The following SNTG1 variants were observed in gnomAD, a reference collection of about 807,000 sequenced individuals.
SNTG1 encodes gamma-1-syntrophin.
In SNTG1, 39 loss-of-function variants were observed where a neutral mutation model predicts 74.7. That is an observed-to-expected ratio of 0.52 (90% CI 0.40 to 0.68). SNTG1 has a LOEUF of 0.68. SNTG1 is among the 30% of genes least tolerant of loss of function. The pLI is 0.00. For synonymous variants in SNTG1, 254 were observed against 217.1 expected, an observed-to-expected ratio of 1.17 and a Z score of -1.49; for missense variants, 685 against 609.5, an observed-to-expected ratio of 1.12 and a Z score of -1.30.
chr8:50,333,018 C>T (rs2091019684), intron 2 of SNTG1, among the ~76,000 whole-genome samples: 5 of 152,170 alleles, frequency 3.3e-5, no homozygotes, highest in Admixed American at 2.6e-4. Flanking sequence ...ATATTTGAAG[C>T]TAGCTAGCAA....
At chr8:50,218,831 C>T (rs947728997) in intron 2 of SNTG1, among the ~76,000 whole-genome samples, 1 of 152,068 alleles carries the variant, frequency 6.6e-6, no homozygotes, top group African/African-American at 2.4e-5. Context: ...GTTGAGTTGA[C>T]AACAAAGTAA....
chr8:50,269,664 A>T (rs2087673201), intron 2 of SNTG1, among the ~76,000 whole-genome samples: 1 of 152,222 alleles, frequency 6.6e-6, no homozygotes, highest in African/African-American at 2.4e-5. Flanking sequence ...ATGTATATTT[A>T]TGTGTAAACT....
intron 1 of SNTG1, among the ~76,000 whole-genome samples, chr8:49,967,765 A>G (rs1811281415): frequency 6.6e-6 from 1 of 152,200 alleles, no homozygotes; most frequent in South Asian, 2.1e-4. Context: ...GAAAAGTTCC[A>G]TTAAGAAGAA....
At chr8:50,503,783 T>A (rs559203684) in intron 9 of SNTG1, among the ~76,000 whole-genome samples, 1 of 152,220 alleles carries the variant, frequency 6.6e-6, no homozygotes, top group Non-Finnish European at 1.5e-5. Context: ...CATCTTTCTG[T>A]TGAAGATACC....
chr8:49,915,444 G>C (rs1051853247), intron 1 of SNTG1, among the ~76,000 whole-genome samples: 2 of 152,090 alleles, frequency 1.3e-5, no homozygotes, highest in Non-Finnish European at 2.9e-5. Flanking sequence ...ATACTTCCCT[G>C]ATACTTCAGC....
chr8:50,525,335 T>C lies in SNTG1; in HGVS notation c.467-4842T>C, dbSNP rs941957644. Among the ~76,000 whole-genome samples the C allele has an allele frequency of 3.9e-5, 6 of 152,312 alleles. No homozygotes were observed. The South Asian group carries it at 1.2e-3, about 32-fold the overall frequency. ...TTATCTGTGACTTTTGACAGTTTGATAATAATGAGTTTCAGTGTGAGCCTT... is the reference window on the plus strand; with the variant it reads ...TTATCTGTGACTTTTGACAGTTTGACAATAATGAGTTTCAGTGTGAGCCTT... On this transcript the variant is annotated intron_variant, in intron 9 of 18. Transcript: ENST00000642720.
intron 9 of SNTG1, among the ~76,000 whole-genome samples, chr8:50,528,143 C>T (rs757863172): frequency 1.1e-4 from 16 of 151,840 alleles, no homozygotes; most frequent in African/African-American, 2.9e-4. Context: ...TTGACTTTCC[C>T]GTTGCAGTGG....
chr8:50,702,399 G>A (rs2095429300), intron 15 of SNTG1, among the ~76,000 whole-genome samples: 1 of 152,120 alleles, frequency 6.6e-6, no homozygotes, highest in South Asian at 2.1e-4. Context: ...TCTACTGGCA[G>A]CAAGGGTCAG....
intron 2 of SNTG1, among the ~76,000 whole-genome samples, chr8:50,361,932 T>C (rs941480131): frequency 3.9e-5 from 6 of 152,084 alleles, no homozygotes; most frequent in Admixed American, 6.5e-5. Flanking sequence ...ATACAAAAGA[T>C]TAAAAATGGC....
Position 50,545,502 on chromosome 8 carries a change from A to ATG in SNTG1, c.681-7547_681-7546insGT, listed in dbSNP as rs2094380841. On this transcript the variant is annotated intron_variant, in intron 11 of 18. Transcript: ENST00000642720. ...ATACATGTTATATAAATATATATAT[A>ATG]TATATTTGAATTTGAGAAGTATAAT... Among the ~76,000 whole-genome samples, 2 of 148,866 alleles carry ATG rather than the reference A, an allele frequency of 1.3e-5. 1 individual carries two copies. The highest frequency in any genetic ancestry group is 4.2e-4 in the South Asian group (2 of 4,754).
chr8:50,381,923 G>T (rs1403277331), intron 2 of SNTG1: 8 of 149,580 alleles, frequency 5.3e-5, no homozygotes, highest in Admixed American at 4.8e-4. Flanking sequence ...GCAAACTGAG[G>T]ATTAAAGAAA....
chr8:50,272,930 G>A (rs2087863993), intron 2 of SNTG1, among the ~76,000 whole-genome samples: 1 of 150,634 alleles, frequency 6.6e-6, no homozygotes, highest in African/African-American at 2.4e-5. Context: ...AAATTCTAGA[G>A]ACAGAGTCTC....
At chr8:50,779,754 G>A (rs1418981985) in intron 18 of SNTG1, among the ~76,000 whole-genome samples, 1 of 120,960 alleles carries the variant, frequency 8.3e-6, no homozygotes, top group Non-Finnish European at 1.6e-5. Context: ...AATAGGAGTG[G>A]TGAGAGAGGG....
At chr8:50,355,526 A>C (rs1406034875) in intron 2 of SNTG1, among the ~76,000 whole-genome samples, 1 of 152,216 alleles carries the variant, frequency 6.6e-6, no homozygotes. Context: ...GAAAGGATAC[A>C]TGAAAGGCGA....
chr8:50,275,416 GA>G lies in SNTG1; in HGVS notation c.-28+102782del, dbSNP rs376170476. Among the ~76,000 whole-genome samples, 3 of 151,602 alleles carry G rather than the reference GA, an allele frequency of 2.0e-5. No homozygotes were observed. In the East Asian group the frequency reaches 5.8e-4, roughly 29 times the overall value. ...GATGTTAGTGAATATCTTATTACAT[GA>G]TATTTCTTTTCCTCTTCTAGCATAT... On this transcript the variant is annotated intron_variant, in intron 2 of 18. Transcript: ENST00000642720.
chr8:50,205,402 A>G (rs1371565868), intron 2 of SNTG1, among the ~76,000 whole-genome samples: 1 of 152,144 alleles, frequency 6.6e-6, no homozygotes, highest in Non-Finnish European at 1.5e-5. Context: ...TCCTTTGCCC[A>G]CTTTTTGATG....
intron 1 of SNTG1, among the ~76,000 whole-genome samples, chr8:50,152,980 G>C (rs903720557): frequency 6.6e-6 from 1 of 152,154 alleles, no homozygotes; most frequent in Non-Finnish European, 1.5e-5. Flanking sequence ...AGTTCTCCTG[G>C]ATAATATCAT....
At chr8:50,418,099 C>T (rs2093036525) in intron 4 of SNTG1, among the ~76,000 whole-genome samples, 1 of 152,122 alleles carries the variant, frequency 6.6e-6, no homozygotes, top group Non-Finnish European at 1.5e-5. Context: ...CCGAAATTCT[C>T]CTCCAGCATC....
intron 2 of SNTG1, among the ~76,000 whole-genome samples, chr8:50,183,588 T>C (rs2083283530): frequency 1.3e-5 from 2 of 152,212 alleles, no homozygotes; most frequent in African/African-American, 4.8e-5. Flanking sequence ...AATCACCATT[T>C]ACATACCTTC....
Sources: allele counts gnomAD v4.1 joint callset (sites outside exome capture counted in the v4.1 genomes callset), GRCh38; gene constraint gnomAD v4.1.1; transcripts MANE v1.5; gene names NCBI Gene and HGNC (gene_info 2026-07-23, HGNC 2026-07-21).